Variants in CELSR1 observed in about 807,000 individuals in gnomAD.
The protein encoded by CELSR1 is cadherin EGF LAG seven-pass G-type receptor 1.
In CELSR1, 110 loss-of-function variants were observed where a neutral mutation model predicts 249.1. The ratio of observed to expected loss-of-function variants is 0.44; its 90% CI spans 0.38 to 0.52. The LOEUF (loss-of-function observed/expected upper bound fraction) is 0.52. Among genes scored for constraint, CELSR1 ranks in the 20% least tolerant of loss-of-function variants. The pLI is 0.00. For missense variants in CELSR1, 4,109 were observed against 4,296.4 expected, an observed-to-expected ratio of 0.96 and a Z score of 1.22; for synonymous variants, 2,113 against 1,900.0, an observed-to-expected ratio of 1.11 and a Z score of -2.92.
At chr22:46,369,320 A>G (rs1225536999) in intron 26 of CELSR1, 62 bp from the exon 27 acceptor site, 1 of 1,428,804 alleles carries the variant, frequency 7.0e-7, no homozygotes, top group African/African-American at 1.4e-5. Flanking sequence ...CCAACTGCCA[A>G]AAGCGCCTGA....
chr22:46,389,880 A>T lies in CELSR1; in HGVS notation c.6346-381T>A, dbSNP rs1177331912. On this transcript the variant is annotated intron_variant, in intron 17 of 34. Transcript: ENST00000674500. ...TGAGGCAGAATCGCTTGAATCCGGG[A>T]AGCAGAGGTTGCAGCAAGCTGAGAC... Among the ~76,000 whole-genome samples the T allele has an allele frequency of 1.3e-5, 2 of 152,128 alleles. 1 individual carries two copies. Among genetic ancestry groups the T allele is most frequent in the African/African-American group, 4.8e-5 (2 of 41,410 alleles).
rs1383538297 is a variant in CELSR1 at position 46,464,256 on chromosome 22, C to T, written c.3634G>A (p.Glu1212Lys). 6.2e-7 allele frequency: 1 copy of T among 1,613,732 alleles called. No homozygotes were observed. Among genetic ancestry groups the T allele is most frequent in the East Asian group, 2.2e-5 (1 of 44,874 alleles). Residue 1212 changes from glutamate to lysine, a missense_variant, in exon 2 of 35, where the codon GAG (glutamate) becomes AAG (lysine). Coordinates refer to ENST00000674500, the MANE Select transcript of CELSR1 (RefSeq NM_001378328.1). The surrounding 1 kb of genome is among the most constrained non-coding windows in gnomAD (Gnocchi z 8.5). ...MLTNSITVRL[E>K]NMSQEKFLSP... Reference sequence around the variant, plus strand: ...AGGAACTTCTCCTGGGACATGTTCTCCAGGCGGACAGTGATGCTGTTGGTC... The same window carrying T: ...AGGAACTTCTCCTGGGACATGTTCTTCAGGCGGACAGTGATGCTGTTGGTC...
chr22:46,409,140 G>A lies in CELSR1; in HGVS notation c.5082C>T (p.Phe1694=), dbSNP rs1444903388. 1 of 1,613,354 alleles carries A rather than the reference G, an allele frequency of 6.2e-7. No homozygotes were observed. Residue 1694 remains phenylalanine (F), a synonymous_variant, in exon 9 of 35, where the codon TTC becomes TTT. Coordinates refer to ENST00000674500, the MANE Select transcript of CELSR1 (RefSeq NM_001378328.1). The surrounding 1 kb of genome is among the most constrained non-coding windows in gnomAD (Gnocchi z 9.8). The stretch of plus-strand genomic sequence containing the variant: ...TCCAGGACACGACGCTCTCACCGCT[G>A]AAGAGCTGGGGGTGAGGCATGGCTG... ...CEQAMPHPQL[F]SGESVVSWSD...
chr22:46,467,495 T>C (rs1419280906), intron 1 of CELSR1, among the ~76,000 whole-genome samples: 1 of 145,302 alleles, frequency 6.9e-6, no homozygotes, highest in Non-Finnish European at 1.5e-5. Flanking sequence ...GCTTTACTTA[T>C]GCACGAACAT....
intron 14 of CELSR1, among the ~76,000 whole-genome samples, chr22:46,392,822 T>A (rs971122411): frequency 2.0e-5 from 3 of 151,900 alleles, no homozygotes; most frequent in East Asian, 3.9e-4. Flanking sequence ...GCCTCCAGAG[T>A]AGCTGTGATT....
Position 46,445,149 on chromosome 22 carries a change from TCACA to T in CELSR1, c.4184-5742_4184-5739del, listed in dbSNP as rs1349309270. 6.7e-6 allele frequency among the ~76,000 whole-genome samples: 1 copy of T among 148,508 alleles called. No homozygotes were observed. Among genetic ancestry groups the T allele is most frequent in the Non-Finnish European group, 1.5e-5 (1 of 67,490 alleles). ...AGGCGGAGTTTGCAGTGAGCCAAGATCACACCACCATAGTCCAGTCTGGGTGACA... is the reference window on the plus strand; with the variant it reads ...AGGCGGAGTTTGCAGTGAGCCAAGATCCACCATAGTCCAGTCTGGGTGACA... On this transcript the variant is annotated intron_variant, in intron 2 of 34. Coordinates refer to ENST00000674500, the MANE Select transcript of CELSR1 (RefSeq NM_001378328.1). This position sits in a 1 kb window ranked among gnomAD's most constrained non-coding sequence, Gnocchi z 4.4.
intron 1 of CELSR1, among the ~76,000 whole-genome samples, chr22:46,505,903 G>T (rs985432809): frequency 6.6e-6 from 1 of 152,146 alleles, no homozygotes; most frequent in Admixed American, 6.5e-5. Flanking sequence ...TACTGGCTGG[G>T]CGTGGTGGCT....
chr22:46,519,638 C>A (rs1321099449), intron 1 of CELSR1, among the ~76,000 whole-genome samples: 1 of 152,188 alleles, frequency 6.6e-6, no homozygotes, highest in East Asian at 1.9e-4. Context: ...CATCCACATA[C>A]CCAGGGACCC....
intron 2 of CELSR1, among the ~76,000 whole-genome samples, chr22:46,460,198 CACACACACACACA>C (rs1569179803): frequency 2.7e-4 from 32 of 116,458 alleles, no homozygotes; most frequent in African/African-American, 1.1e-3. Flanking sequence ...CACACACACA[CACACACACACACA>C]CACACCCATT....
At position 46,440,263 on chromosome 22, in the gene CELSR1, G is replaced by A. The variant is rs1210678661; in HGVS notation, c.4184-852C>T. Reference sequence around the variant, plus strand: ...GGCCGCTGCATCCTCCAGCAACCAGGTGTGTGGCTGGTGACACTCCCGCCC... The same window carrying A: ...GGCCGCTGCATCCTCCAGCAACCAGATGTGTGGCTGGTGACACTCCCGCCC... On this transcript the variant is annotated intron_variant, in intron 2 of 34. Transcript: ENST00000674500. This position sits in a 1 kb window ranked among gnomAD's most constrained non-coding sequence, Gnocchi z 4.7. Among the ~76,000 whole-genome samples the A allele has an allele frequency of 1.3e-5, 2 of 152,174 alleles. No homozygotes were observed. Among genetic ancestry groups the A allele is most frequent in the Non-Finnish European group, 2.9e-5 (2 of 68,042 alleles).
intron 1 of CELSR1, among the ~76,000 whole-genome samples, chr22:46,475,805 C>T (rs949818884): frequency 4.6e-5 from 7 of 152,090 alleles, no homozygotes; most frequent in Admixed American, 1.3e-4. Context: ...ATTTCATGTA[C>T]AAAATAAAGC....
chr22:46,369,896 G>T (rs1297792846), intron 25 of CELSR1, 92 bp from the exon 26 acceptor site: 2 of 1,050,958 alleles, frequency 1.9e-6, no homozygotes, highest in East Asian at 2.4e-5. Context: ...TGAAATGGGG[G>T]ACTCAGCATC....
intron 1 of CELSR1, among the ~76,000 whole-genome samples, chr22:46,505,126 G>T (rs1407439667): frequency 1.3e-5 from 2 of 152,004 alleles, no homozygotes; most frequent in Non-Finnish European, 1.5e-5. Flanking sequence ...GCAAGGCATG[G>T]TGGCGGGCTC....
Position 46,394,140 on chromosome 22 carries a change from A to G in CELSR1, c.5964+2T>C, listed in dbSNP as rs1245329227. The stretch of plus-strand genomic sequence containing the variant: ...GCAGGGATCATGGGGGCGGGGCCTC[A>G]CCTTGCATTGGCACTGGCCGTTGGT... On this transcript the variant is annotated splice_donor_variant, in intron 14 of 34. Coordinates refer to ENST00000674500, the MANE Select transcript of CELSR1 (RefSeq NM_001378328.1). LOFTEE classifies it high-confidence loss of function. 2 of 1,613,416 alleles carry G rather than the reference A, an allele frequency of 1.2e-6. No individual in the cohort carries two copies. The highest frequency in any genetic ancestry group is 1.7e-6 in the Non-Finnish European group (2 of 1,179,554).
Position 46,364,815 on chromosome 22 carries a change from C to T in CELSR1, c.8555-79G>A, listed in dbSNP as rs368982056. ...CCCTTGAGAGCCATGGGTCTGGTGG[C>T]TCTGACCCACCTCTCCCCAACCTGC... On this transcript the variant is annotated intron_variant, in intron 32 of 34. Transcript: ENST00000674500. 2.2e-5 allele frequency: 30 copies of T among 1,368,216 alleles called. 1 individual carries two copies. In the East Asian group the frequency reaches 3.4e-4, roughly 15 times the overall value. The allele number at this position is 1,368,216 out of a possible 1,614,324, so 84.8% of individuals were successfully genotyped here.
chr22:46,409,165 G>A lies in CELSR1; in HGVS notation c.5060-3C>T. 6.2e-7 allele frequency: 1 copy of A among 1,612,414 alleles called. No homozygotes were observed. Among genetic ancestry groups the A allele is most frequent in the Non-Finnish European group, 8.5e-7 (1 of 1,179,504 alleles). Reference sequence around the variant, plus strand: ...GAAGAGCTGGGGGTGAGGCATGGCTGCGGACACAGGCCCAGGGACCTCAGG... The same window carrying A: ...GAAGAGCTGGGGGTGAGGCATGGCTACGGACACAGGCCCAGGGACCTCAGG... On this transcript the variant is annotated splice_region_variant and splice_polypyrimidine_tract_variant and intron_variant, in intron 8 of 34. Coordinates refer to ENST00000674500, the MANE Select transcript of CELSR1 (RefSeq NM_001378328.1). The surrounding 1 kb of genome is among the most constrained non-coding windows in gnomAD (Gnocchi z 9.8).
chr22:46,489,732 G>C (rs1010831277), intron 1 of CELSR1, among the ~76,000 whole-genome samples: 1 of 151,932 alleles, frequency 6.6e-6, no homozygotes. Context: ...GGCCAACATG[G>C]TGAAACCCCA....
chr22:46,535,082 T>G lies in CELSR1; in HGVS notation c.2089A>C (p.Asn697His), dbSNP rs767876362. The change falls in exon 1 of 35, where the codon AAT becomes CAT. Residue 697 changes from asparagine to histidine, a missense_variant. Asn to His is a moderately conservative substitution (Grantham distance 68). Transcript: ENST00000674500. ...FTQPTYELRL[N>H]EDAAVGSSVL... is the part of the protein sequence containing the mutation. ...CTGCTCCCCACGGCCGCATCCTCAT[T>G]CAGACGAAGCTCGTAGGTGGGCTGC... 7.4e-6 allele frequency: 12 copies of G among 1,612,414 alleles called. No individual in the cohort carries two copies. Among genetic ancestry groups the G allele is most frequent in the Non-Finnish European group, 1.0e-5 (12 of 1,179,974 alleles).
At chr22:46,503,436 A>G (rs933318108) in intron 1 of CELSR1, among the ~76,000 whole-genome samples, 2 of 152,164 alleles carry the variant, frequency 1.3e-5, no homozygotes, top group Non-Finnish European at 1.5e-5. Flanking sequence ...GGTGGTGAGG[A>G]CACAGGGGAG....
Sources: gnomAD v4.1 joint callset for allele counts (sites outside exome capture counted in the v4.1 genomes callset) on GRCh38, gnomAD v4.1.1 for gene constraint, Gnocchi (gnomAD v3.1) non-coding constraint, MANE v1.5 for transcripts, NCBI Gene and HGNC (gene_info 2026-07-23, HGNC 2026-07-21) for gene names.